The following CIBAR1 variants were observed in gnomAD, a reference collection of about 807,000 sequenced individuals.
CIBAR1 encodes CBY1-interacting BAR domain-containing protein 1.
A neutral mutation model predicts 44.0 loss-of-function variants in CIBAR1; 25 were observed. The observed-to-expected ratio is 0.57, with a 90% CI of 0.41 to 0.79. CIBAR1 has a LOEUF of 0.79. CIBAR1 is among the 30% of genes least tolerant of loss of function. The pLI, the probability that CIBAR1 is intolerant of heterozygous loss-of-function variation, is 0.00. For missense variants in CIBAR1, 278 were observed against 344.8 expected, an observed-to-expected ratio of 0.81 and a Z score of 1.53; for synonymous variants, 115 against 119.0, an observed-to-expected ratio of 0.97 and a Z score of 0.22.
In CIBAR1 at chr8:93,725,576, A is replaced by G. The variant is rs369164606; in HGVS notation, c.658-818A>G. Among the ~76,000 whole-genome samples, 5 of 152,274 alleles carry G rather than the reference A, an allele frequency of 3.3e-5. 1 individual carries two copies. In the East Asian group the frequency reaches 7.7e-4, roughly 23 times the overall value. ...ATGGAGATGAAGTCGAATATTCAAGAAAGTTTTTTAAGTAGTTATACCTTG... is the reference window on the plus strand; with the variant it reads ...ATGGAGATGAAGTCGAATATTCAAGGAAGTTTTTTAAGTAGTTATACCTTG... On this transcript the variant is annotated intron_variant, in intron 7 of 8. Transcript: ENST00000518322.
At chr8:93,708,852 G>C (rs575639710) in intron 5 of CIBAR1, among the ~76,000 whole-genome samples, 1 of 152,290 alleles carries the variant, frequency 6.6e-6, no homozygotes, top group East Asian at 1.9e-4. Flanking sequence ...ATGTTGTAAT[G>C]ATTTCAAAAA....
intron 6 of CIBAR1, chr8:93,715,290 G>A (rs943903794): frequency 6.6e-5 from 10 of 152,124 alleles, no homozygotes; most frequent in African/African-American, 2.4e-4. Flanking sequence ...TACAAAAAAG[G>A]TACTTAACCA....
chr8:93,717,909 C>T (rs1244204815), intron 6 of CIBAR1, among the ~76,000 whole-genome samples: 2 of 152,192 alleles, frequency 1.3e-5, no homozygotes, highest in East Asian at 3.8e-4. Flanking sequence ...CACATCTTCA[C>T]TCATACTCTT....
intron 7 of CIBAR1, among the ~76,000 whole-genome samples, chr8:93,723,096 A>C (rs1811330392): frequency 6.6e-6 from 1 of 152,186 alleles, no homozygotes; most frequent in Non-Finnish European, 1.5e-5. Flanking sequence ...TCCCGGATTC[A>C]CACCATTCTC....
At chr8:93,712,652 C>T (rs951186680) in intron 6 of CIBAR1, among the ~76,000 whole-genome samples, 2 of 152,142 alleles carry the variant, frequency 1.3e-5, no homozygotes, top group Non-Finnish European at 2.9e-5. Context: ...ATTGTGTTTG[C>T]CCACCAGCAG....
intron 4 of CIBAR1, 144 bp downstream of exon 4, chr8:93,705,154 C>G (rs947866736): frequency 1.7e-6 from 1 of 581,678 alleles, no homozygotes; most frequent in African/African-American, 1.9e-5. Flanking sequence ...TAGGAATTCT[C>G]ACTATAGAAA....
At chr8:93,715,112 G>GGT (rs1353614152) in intron 6 of CIBAR1, among the ~76,000 whole-genome samples, 1 of 152,214 alleles carries the variant, frequency 6.6e-6, no homozygotes, top group Admixed American at 6.5e-5. Flanking sequence ...TAAACAGCAA[G>GGT]GTAATACATT....
intron 4 of CIBAR1, chr8:93,705,475 G>A (rs1336048315): frequency 5.1e-5 from 8 of 155,910 alleles, no homozygotes; most frequent in African/African-American, 1.9e-4. Context: ...AACCTCAGGA[G>A]TCTTAAGAGT....
At chr8:93,702,518 A>C (rs1810405154) in intron 2 of CIBAR1, 1 of 455,766 alleles carries the variant, frequency 2.2e-6, no homozygotes, top group Non-Finnish European at 4.4e-6. Flanking sequence ...CAAATGGTGG[A>C]GGTCCTAATG....
At chr8:93,709,050 T>TG (rs1189099961) in intron 5 of CIBAR1, among the ~76,000 whole-genome samples, 1 of 152,088 alleles carries the variant, frequency 6.6e-6, no homozygotes, top group East Asian at 1.9e-4. Context: ...AGGCTGAGGC[T>TG]GGTGGATCAC....
chr8:93,707,880 TA>T, intron 4 of CIBAR1, 130 bp from the exon 5 acceptor site: 2 of 511,274 alleles, frequency 3.9e-6, no homozygotes. Flanking sequence ...TAAGTAACCA[TA>T]ATTGATATAT....
Position 93,701,472 on chromosome 8 carries a change from T to C in CIBAR1, c.261+14T>C, listed in dbSNP as rs1446958177. 1.2e-6 allele frequency: 2 copies of C among 1,604,550 alleles called. No homozygotes were observed. The highest frequency in any genetic ancestry group is 1.7e-6 in the Non-Finnish European group (2 of 1,173,760). On this transcript the variant is annotated intron_variant, in intron 2 of 8. Transcript: ENST00000518322. The stretch of plus-strand genomic sequence containing the variant: ...CGACAAGCAGAGGTATGGAGTGAGA[T>C]CACAGTGTCATTGTTATGAATGAGC...
At chr8:93,707,936 A>G (rs969591338) in intron 4 of CIBAR1, 75 bp from the exon 5 acceptor site, 1 of 926,504 alleles carries the variant, frequency 1.1e-6, no homozygotes, top group Middle Eastern at 2.6e-4. Context: ...ATATAATTCT[A>G]TGAGTATATA....
chr8:93,701,502 A>G (rs1383977964), intron 2 of CIBAR1, 44 bp downstream of exon 2: 3 of 1,537,498 alleles, frequency 2.0e-6, no homozygotes, highest in African/African-American at 2.7e-5. Context: ...ATGAGCCATG[A>G]AGTAGTGGAT....
chr8:93,718,570 C>A (rs1288508723), intron 6 of CIBAR1, 105 bp from the exon 7 acceptor site: 2 of 576,016 alleles, frequency 3.5e-6, no homozygotes, highest in Non-Finnish European at 5.7e-6. Flanking sequence ...AAAACAGATA[C>A]TTCTGTATTT....
At position 93,729,099 on chromosome 8, in the gene CIBAR1, G is replaced by A. The variant is rs536960248; in HGVS notation, c.*802G>A. On this transcript the variant is annotated 3_prime_UTR_variant, in exon 9 of 9. Coordinates refer to ENST00000518322, the MANE Select transcript of CIBAR1 (RefSeq NM_145269.5). ...AAAATATAAAACATTGAGCCTTTCA[G>A]TGTATCTGATGCTTCTCTTTTGGTA... 20 of 152,198 alleles carry A rather than the reference G, an allele frequency of 1.3e-4. No homozygotes were observed. Among genetic ancestry groups the A allele is most frequent in the African/African-American group, 4.8e-4 (20 of 41,550 alleles). 9.4% of individuals were successfully genotyped at this position (152,198 alleles called of 1,614,324 possible).
At chr8:93,724,053 G>T (rs576206450) in intron 7 of CIBAR1, among the ~76,000 whole-genome samples, 1 of 152,062 alleles carries the variant, frequency 6.6e-6, no homozygotes, top group Admixed American at 6.6e-5. Context: ...GCAACATAGC[G>T]AGACACTGTC....
At chr8:93,718,601 G>C in intron 6 of CIBAR1, 74 bp from the exon 7 acceptor site, 1 of 778,204 alleles carries the variant, frequency 1.3e-6, no homozygotes, top group South Asian at 2.1e-5. Context: ...CAAGACTATA[G>C]TGAGGAATAA....
At chr8:93,702,630 CAAA>C in intron 2 of CIBAR1, 1 of 392,260 alleles carries the variant, frequency 2.5e-6, no homozygotes, top group Non-Finnish European at 5.1e-6. Flanking sequence ...TGGTGTAAAG[CAAA>C]CTGTCCTGAA....
Sources: allele counts gnomAD v4.1 joint callset (sites outside exome capture counted in the v4.1 genomes callset), GRCh38; gene constraint gnomAD v4.1.1; transcripts MANE v1.5; gene names NCBI Gene and HGNC (gene_info 2026-07-23, HGNC 2026-07-21).